The following ATXN10 variants were observed in gnomAD, a reference collection of about 807,000 sequenced individuals.
ATXN10 encodes the protein ataxin 10.
A neutral mutation model predicts 52.9 loss-of-function variants in ATXN10; 28 were observed. The observed-to-expected ratio is 0.53, with a 90% CI of 0.39 to 0.73. ATXN10 has a LOEUF of 0.73. Among genes scored for constraint, ATXN10 ranks in the 30% least tolerant of loss-of-function variants. The probability of loss-of-function intolerance (pLI) is 0.00; values close to 1 mark genes in which losing one functional copy is unlikely to be tolerated. For synonymous variants in ATXN10, 226 were observed against 221.5 expected (o/e 1.02, Z -0.18); for missense variants, 565 against 577.0 (o/e 0.98, Z 0.21).
At chr22:45,686,558 G>T (rs1453861801) in intron 1 of ATXN10, among the ~76,000 whole-genome samples, 1 of 152,048 alleles carries the variant, frequency 6.6e-6, no homozygotes, top group Non-Finnish European at 1.5e-5. Context: ...AGTGGCTCAC[G>T]CATGTAATCC....
At position 45,690,237 on chromosome 22, in the gene ATXN10, C is replaced by T. The variant is rs186623619; in HGVS notation, c.308+334C>T. ...AGGTTGCAGTAATCTGAGATGATGC[C>T]ATTGCTGCAGGCTGGGCCACATTGT... On this transcript the variant is annotated intron_variant, in intron 2 of 11. Transcript: ENST00000252934. The surrounding 1 kb of genome is among the most constrained non-coding windows in gnomAD (Gnocchi z 4.5). Among the ~76,000 whole-genome samples, 1 of 150,870 alleles carries T rather than the reference C, an allele frequency of 6.6e-6. No homozygotes were observed. The highest frequency in any genetic ancestry group is 1.5e-5 in the Non-Finnish European group (1 of 67,874).
At chr22:45,695,359 T>A (rs1020012470) in intron 3 of ATXN10, among the ~76,000 whole-genome samples, 1 of 151,598 alleles carries the variant, frequency 6.6e-6, no homozygotes, top group East Asian at 1.9e-4. Context: ...TGTAATAACG[T>A]CTTTACCTTA....
rs1394719463 is a variant in ATXN10 at position 45,793,881 on chromosome 22, C to G, written c.1174-13078C>G. 2.4e-6 allele frequency: 3 copies of G among 1,269,850 alleles called. No homozygotes were observed. The African/African-American group carries it at 4.6e-5, about 20-fold the overall frequency. 78.7% of individuals were successfully genotyped at this position (1,269,850 alleles called of 1,614,324 possible). A position where few individuals can be genotyped will look rare whatever the true frequency, so the allele number is the denominator to read the frequency against. ...TGGTAAACAGCAACTTTGATTGAAG[C>G]AGCAGTGTATAGCAGCAGCAGAGGT... On this transcript the variant is annotated intron_variant, in intron 9 of 11. Coordinates refer to ENST00000252934, the MANE Select transcript of ATXN10 (RefSeq NM_013236.4).
In ATXN10 at chr22:45,759,760, G is replaced by A. The variant is rs111989297; in HGVS notation, c.1173+19222G>A. On this transcript the variant is annotated intron_variant, in intron 9 of 11. Transcript: ENST00000252934. The surrounding 1 kb of genome is among the most constrained non-coding windows in gnomAD (Gnocchi z 5.4). ...GGGATGGGGTCACACCTCAGCTGCC[G>A]GCATGAGCTAAGGGACCATATAACA... 3.9e-5 allele frequency among the ~76,000 whole-genome samples: 6 copies of A among 152,246 alleles called. No homozygotes were observed. Among genetic ancestry groups the A allele is most frequent in the African/African-American group, 4.8e-5 (2 of 41,536 alleles).
rs554387865 is a variant in ATXN10 at position 45,715,032 on chromosome 22, A to G, written c.648-3381A>G. Among the ~76,000 whole-genome samples the G allele has an allele frequency of 1.3e-5, 2 of 152,044 alleles. No homozygotes were observed. The highest frequency in any genetic ancestry group is 2.1e-4 in the South Asian group (1 of 4,810). ...ATCCATGGACAACTTTTTTACTTCA[A>G]CTTTTGCTTCCTAACCACGCATTCC... On this transcript the variant is annotated intron_variant, in intron 5 of 11. Coordinates refer to ENST00000252934, the MANE Select transcript of ATXN10 (RefSeq NM_013236.4). This position sits in a 1 kb window ranked among gnomAD's most constrained non-coding sequence, Gnocchi z 4.4.
At chr22:45,751,778 TAATA>T (rs1925983068) in intron 9 of ATXN10, among the ~76,000 whole-genome samples, 3 of 135,628 alleles carry the variant, frequency 2.2e-5, no homozygotes, top group African/African-American at 7.9e-5. Context: ...ATAATAATAA[TAATA>T]ATAATAAGAT....
chr22:45,734,607 C>G (rs1278760223), intron 7 of ATXN10, among the ~76,000 whole-genome samples: 1 of 149,978 alleles, frequency 6.7e-6, no homozygotes, highest in Non-Finnish European at 1.5e-5. Flanking sequence ...AAATTCTCCA[C>G]TTAGATTGTG....
chr22:45,817,895 A>T lies in ATXN10; in HGVS notation c.1237+10873A>T, dbSNP rs116291873. Among the ~76,000 whole-genome samples the T allele has an allele frequency of 3.8e-3, 585 of 152,242 alleles. 2 individuals are homozygous for T. Among genetic ancestry groups the T allele is most frequent in the Middle Eastern group, 0.01 (3 of 294 alleles). ...CCACTACACAGATGCAGGAGTCACCATTCAAACAGACTCATCCCTAGTGAA... is the reference window on the plus strand; with the variant it reads ...CCACTACACAGATGCAGGAGTCACCTTTCAAACAGACTCATCCCTAGTGAA... On this transcript the variant is annotated intron_variant, in intron 10 of 11. Transcript: ENST00000252934.
chr22:45,816,456 C>G lies in ATXN10; in HGVS notation c.1237+9434C>G, dbSNP rs113920698. Among the ~76,000 whole-genome samples the G allele has an allele frequency of 5.4e-4, 82 of 152,274 alleles. No homozygotes were observed. The highest frequency in any genetic ancestry group is 1.9e-3 in the African/African-American group (79 of 41,554). On this transcript the variant is annotated intron_variant, in intron 10 of 11. Transcript: ENST00000252934. This position sits in a 1 kb window ranked among gnomAD's most constrained non-coding sequence, Gnocchi z 5.8. ...GATCCCTTCAGTGAGCTGAGTGCCT[C>G]CATTTGGCGTGTTATAGTTGGGTTG...
At position 45,841,263 on chromosome 22, in the gene ATXN10, A is replaced by G. The variant is rs749648778; in HGVS notation, c.1238-1728A>G. Among the ~76,000 whole-genome samples the G allele has an allele frequency of 2.0e-5, 3 of 152,266 alleles. No individual in the cohort carries two copies. The highest frequency in any genetic ancestry group is 6.5e-5 in the Admixed American group (1 of 15,294). ...ACACAATAAGAACTTTTTCCCCACC[A>G]TAGACAGATGACTGATTATAGAACC... On this transcript the variant is annotated intron_variant, in intron 10 of 11. Transcript: ENST00000252934. This position sits in a 1 kb window ranked among gnomAD's most constrained non-coding sequence, Gnocchi z 5.1.
intron 9 of ATXN10, among the ~76,000 whole-genome samples, chr22:45,797,839 A>G (rs1219688422): frequency 3.3e-5 from 5 of 152,202 alleles, no homozygotes; most frequent in Non-Finnish European, 7.4e-5. Flanking sequence ...CAAAATATAA[A>G]TGACCTCTAT....
intron 9 of ATXN10, among the ~76,000 whole-genome samples, chr22:45,768,639 A>G (rs750860995): frequency 6.6e-6 from 1 of 152,232 alleles, no homozygotes; most frequent in Admixed American, 6.5e-5. Context: ...TCCAGAGGGC[A>G]TTAAAAAGAA....
chr22:45,694,972 C>A lies in ATXN10; in HGVS notation c.391+1894C>A, dbSNP rs868177830. 7.1e-3 allele frequency among the ~76,000 whole-genome samples: 897 copies of A among 126,080 alleles called. 12 individuals carry two copies. The highest frequency in any genetic ancestry group is 0.024 in the African/African-American group (733 of 30,744). The allele number at this position is 126,080 out of a possible 152,430, so 82.7% of individuals were successfully genotyped here. On this transcript the variant is annotated intron_variant, in intron 3 of 11. Transcript: ENST00000252934. ...AAAAAAAAAAAAAAAAAAAACAAAA[C>A]CCCAGAAAATTTTAATGTAAATTTC...
chr22:45,821,454 A>G (rs1040368893), intron 10 of ATXN10, among the ~76,000 whole-genome samples: 2 of 152,138 alleles, frequency 1.3e-5, no homozygotes, highest in Non-Finnish European at 2.9e-5. Context: ...TGATTGTGAA[A>G]GACCCCAACC....
intron 9 of ATXN10, among the ~76,000 whole-genome samples, chr22:45,788,469 C>CT (rs1927394902): frequency 6.6e-6 from 1 of 151,364 alleles, no homozygotes; most frequent in African/African-American, 2.4e-5. Context: ...CCACCTGCAT[C>CT]TTTCTGTCCC....
In ATXN10 at chr22:45,781,248, A is replaced by T. The variant is rs1228736277; in HGVS notation, c.1174-25711A>T. Among the ~76,000 whole-genome samples the T allele has an allele frequency of 6.6e-6, 1 of 152,080 alleles. No individual in the cohort carries two copies. Among genetic ancestry groups the T allele is most frequent in the Non-Finnish European group, 1.5e-5 (1 of 68,002 alleles). ...CACCCCTGCTAGGTGGTGTCAGAGAAGATGGAGCTGGGAGCCAGGTTTTTA... is the reference window on the plus strand; with the variant it reads ...CACCCCTGCTAGGTGGTGTCAGAGATGATGGAGCTGGGAGCCAGGTTTTTA... On this transcript the variant is annotated intron_variant, in intron 9 of 11. Transcript: ENST00000252934. This position sits in a 1 kb window ranked among gnomAD's most constrained non-coding sequence, Gnocchi z 4.2.
Position 45,678,424 on chromosome 22 carries a change from T to C in ATXN10, c.116+6245T>C, listed in dbSNP as rs1922788050. On this transcript the variant is annotated intron_variant, in intron 1 of 11. Transcript: ENST00000252934. The surrounding 1 kb of genome is among the most constrained non-coding windows in gnomAD (Gnocchi z 4.1). ...TGGCTATAATGAAAATGAGTGACAC[T>C]GAATTTTGGTGGGCATGTGAAGCTA... The C allele has an allele frequency of 6.6e-6, 1 of 152,180 alleles. No individual in the cohort carries two copies. Among genetic ancestry groups the C allele is most frequent in the Non-Finnish European group, 1.5e-5 (1 of 68,030 alleles). The allele number at this position is 152,180 out of a possible 1,614,324, so 9.4% of individuals were successfully genotyped here. A position where few individuals can be genotyped will look rare whatever the true frequency, so the allele number is the denominator to read the frequency against.
intron 3 of ATXN10, among the ~76,000 whole-genome samples, chr22:45,698,491 G>T (rs1053676687): frequency 6.6e-6 from 1 of 152,130 alleles, no homozygotes; most frequent in African/African-American, 2.4e-5. Flanking sequence ...AGTTGTAAAG[G>T]TTTTCTATAC....
chr22:45,718,596 T>G lies in ATXN10; in HGVS notation c.728+103T>G. The G allele has an allele frequency of 3.9e-6, 4 of 1,018,022 alleles. No homozygotes were observed. The highest frequency in any genetic ancestry group is 6.2e-6 in the Non-Finnish European group (4 of 640,358). The allele number at this position is 1,018,022 out of a possible 1,614,324, so 63.1% of individuals were successfully genotyped here. ...GTGGTTTCTGAGTTGGCACAGAATC[T>G]CTAAATACATGTTTCTGTGTTGGTA... On this transcript the variant is annotated intron_variant, in intron 6 of 11. Coordinates refer to ENST00000252934, the MANE Select transcript of ATXN10 (RefSeq NM_013236.4). The surrounding 1 kb of genome is among the most constrained non-coding windows in gnomAD (Gnocchi z 4.4).
Sources: gnomAD v4.1 joint callset for allele counts (sites outside exome capture counted in the v4.1 genomes callset) on GRCh38, gnomAD v4.1.1 for gene constraint, Gnocchi (gnomAD v3.1) non-coding constraint, MANE v1.5 for transcripts, NCBI Gene and HGNC (gene_info 2026-07-23, HGNC 2026-07-21) for gene names.